GREB1: variants seen among roughly 807,000 people sequenced by gnomAD.
GREB1 encodes the protein growth regulating estrogen receptor binding 1, also known as protein GREB1.
In GREB1, 106 loss-of-function variants were observed where a neutral mutation model predicts 200.7. The ratio of observed to expected loss-of-function variants is 0.53; its 90% confidence interval spans 0.45 to 0.62. The LOEUF (loss-of-function observed/expected upper bound fraction) is 0.62, where lower values mean the gene tolerates loss of function less well. Ranked by LOEUF, GREB1 falls within the 20% of genes least tolerant of loss-of-function variation. The pLI is 0.00. For missense variants in GREB1, 2,243 were observed against 2,556.8 expected (o/e 0.88, Z 2.65); for synonymous variants, 1,132 against 1,092.4 (o/e 1.04, Z -0.72).
At chr2:11,501,301 C>T (rs1436102561) in intron 1 of GREB1, among the ~76,000 whole-genome samples, 3 of 152,176 alleles carry the variant, frequency 2.0e-5, no homozygotes, top group African/African-American at 7.2e-5. Context: ...AAGGGTGGGC[C>T]TGAGAGGGCA....
In GREB1 at chr2:11,513,862, A is replaced by G. The variant is rs1292871439; in HGVS notation, c.-159+31481A>G. ...CTGTAGTAATACTGGTATCACCAGC[A>G]TAACTTGTGGTTCTTCAGCCAGTAA... is the stretch of plus-strand genomic sequence containing the variant. On this transcript the variant is annotated intron_variant, in intron 1 of 2. Coordinates refer to the GREB1 transcript ENST00000628795. Among the ~76,000 whole-genome samples, 3 of 152,224 alleles carry G rather than the reference A, an allele frequency of 2.0e-5. No homozygotes were observed. In the East Asian group the frequency reaches 5.8e-4, roughly 29 times the overall value.
At chr2:11,562,442 C>T (rs1677162763) in intron 2 of GREB1, 21 bp from the exon 3 acceptor site, 4 of 1,611,262 alleles carry the variant, frequency 2.5e-6, no homozygotes, top group East Asian at 2.2e-5. Context: ...CCTTGCTCAT[C>T]ACTCTTCTTC....
chr2:11,528,682 A>G (rs959144219), intron 1 of GREB1, among the ~76,000 whole-genome samples: 1 of 152,220 alleles, frequency 6.6e-6, no homozygotes, highest in Non-Finnish European at 1.5e-5. Context: ...GTAAGCATTA[A>G]TTGGTACCAA....
chr2:11,505,981 A>T (rs141532716), intron 1 of GREB1, among the ~76,000 whole-genome samples: 105 of 152,358 alleles, frequency 6.9e-4, no homozygotes, highest in African/African-American at 2.4e-3. Context: ...GTTGTGATGC[A>T]GGGTGCAGAG....
chr2:11,627,392 A>G (rs1684555715), intron 25 of GREB1, among the ~76,000 whole-genome samples: 1 of 152,224 alleles, frequency 6.6e-6, no homozygotes, highest in African/African-American at 2.4e-5. Flanking sequence ...CCAATGCAAC[A>G]GATGCTCACC....
At position 11,638,829 on chromosome 2, in the gene GREB1, C is replaced by T; in HGVS notation, c.5686+20C>T. The T allele has an allele frequency of 1.9e-6, 3 of 1,612,154 alleles. No individual in the cohort carries two copies. The highest frequency in any genetic ancestry group is 1.7e-6 in the Non-Finnish European group (2 of 1,179,146). On this transcript the variant is annotated intron_variant, in intron 32 of 32. Coordinates refer to ENST00000381486, the MANE Select transcript of GREB1 (RefSeq NM_014668.4). ...TGAAAGGTAACTTTTGTACTCTTAA[C>T]TCTGCACCTTGTCTTCAATGGCTGT...
At position 11,619,053 on chromosome 2, in the gene GREB1, T is replaced by TG. The variant is rs147723258; in HGVS notation, c.4044+136dup. On this transcript the variant is annotated intron_variant, in intron 22 of 32. Transcript: ENST00000381486. ...CTTCCCGTGGTGGAATCTTCTCCAATGGCCTGGGGTGGACCGGAGGGAGGA... is the reference window on the plus strand; with the variant it reads ...CTTCCCGTGGTGGAATCTTCTCCAATGGGCCTGGGGTGGACCGGAGGGAGGA... 9.7e-5 allele frequency: 86 copies of TG among 888,896 alleles called. No homozygotes were observed. The African/African-American group carries it at 1.2e-3, about 13-fold the overall frequency. 55.1% of individuals were successfully genotyped at this position (888,896 alleles called of 1,614,324 possible).
At position 11,538,926 on chromosome 2, in the gene GREB1, CGTGT is replaced by C. The variant is rs1558512098; in HGVS notation, c.-162+4673_-162+4676del. Reference sequence around the variant, plus strand: ...TCCTTCCTTCCCCCTCCCCTCCCCTCGTGTCCCCTCCCCTCCCCTCGTGTCCCCT... The same window carrying C: ...TCCTTCCTTCCCCCTCCCCTCCCCTCCCCCTCCCCTCCCCTCGTGTCCCCT... On this transcript the variant is annotated intron_variant, in intron 1 of 32. Coordinates refer to ENST00000381486, the MANE Select transcript of GREB1 (RefSeq NM_014668.4). Among the ~76,000 whole-genome samples, 9 of 34,430 alleles carry C rather than the reference CGTGT, an allele frequency of 2.6e-4. 2 individuals are homozygous for C. The East Asian group carries it at 4.5e-3, about 17-fold the overall frequency. The allele number at this position is 34,430 out of a possible 152,430, so 22.6% of individuals were successfully genotyped here. A position where few individuals can be genotyped will look rare whatever the true frequency, so the allele number is the denominator to read the frequency against.
intron 3 of GREB1, chr2:11,563,019 C>G (rs1677240673): frequency 6.6e-6 from 1 of 152,528 alleles, no homozygotes; most frequent in African/African-American, 2.4e-5. Context: ...GTTGCCCAGG[C>G]TGGAGTGCAG....
At chr2:11,485,259 T>TTA (rs1256382035) in intron 1 of GREB1, among the ~76,000 whole-genome samples, 172 of 124,180 alleles carry the variant, frequency 1.4e-3, no homozygotes, top group African/African-American at 3.3e-3. Flanking sequence ...TTATTTTATT[T>TTA]TATATATATA....
At chr2:11,485,276 T>TATATA (rs1491126303) in intron 1 of GREB1, among the ~76,000 whole-genome samples, 1,045 of 4,410 alleles carry the variant, frequency 0.24, 18 homozygotes, top group South Asian at 0.5. Flanking sequence ...TATATATGTA[T>TATATA]TTTTTTTTTT....
intron 1 of GREB1, among the ~76,000 whole-genome samples, chr2:11,510,058 T>C (rs1426893104): frequency 2.6e-5 from 4 of 152,196 alleles, no homozygotes; most frequent in Non-Finnish European, 5.9e-5. Context: ...TTTATAACAG[T>C]TTTTTTCTTG....
intron 15 of GREB1, among the ~76,000 whole-genome samples, chr2:11,599,236 C>T (rs766235180): frequency 2.0e-5 from 3 of 151,540 alleles, no homozygotes; most frequent in Non-Finnish European, 2.9e-5. Flanking sequence ...GTGTGGGGTG[C>T]GGAGGGTCCT....
In GREB1 at chr2:11,598,119, T is replaced by C. The variant is rs1401789828; in HGVS notation, c.2152+141T>C. 4.1e-5 allele frequency: 31 copies of C among 749,090 alleles called. No individual in the cohort carries two copies. In the East Asian group the frequency reaches 7.2e-4, roughly 17 times the overall value. 46.4% of individuals were successfully genotyped at this position (749,090 alleles called of 1,614,324 possible). A position where few individuals can be genotyped will look rare whatever the true frequency, so the allele number is the denominator to read the frequency against. On this transcript the variant is annotated intron_variant, in intron 14 of 32. Transcript: ENST00000381486. ...CTTGTTTTATAGATTGTGAAACTGATGTTCAGAGACAGTGACTTGCCCAAG... is the reference window on the plus strand; with the variant it reads ...CTTGTTTTATAGATTGTGAAACTGACGTTCAGAGACAGTGACTTGCCCAAG...
intron 1 of GREB1, among the ~76,000 whole-genome samples, chr2:11,501,602 C>T (rs1217797173): frequency 6.6e-6 from 1 of 152,028 alleles, no homozygotes; most frequent in African/African-American, 2.4e-5. Context: ...CTTTGTTGGC[C>T]AGGCTGGTCT....
intron 1 of GREB1, among the ~76,000 whole-genome samples, chr2:11,500,559 A>G (rs1248511512): frequency 6.6e-6 from 1 of 151,562 alleles, no homozygotes; most frequent in Admixed American, 6.6e-5. Flanking sequence ...TCGCCTTGGC[A>G]TCCCAGCTGG....
rs115662104 is a variant in GREB1, at chr2:11,495,009, T to C, written c.-159+12628T>C. On this transcript the variant is annotated intron_variant, in intron 1 of 2. Transcript: ENST00000628795. ...ATCTCCTGCTCTGTTCCCATGGTGG[T>C]TGCTCTGTGTCATTCTGTGACGTTT... Among the ~76,000 whole-genome samples the C allele has an allele frequency of 4.5e-3, 691 of 152,290 alleles. 8 individuals are homozygous for C. The highest frequency in any genetic ancestry group is 0.016 in the African/African-American group (646 of 41,556).
chr2:11,593,106 A>G lies in GREB1; in HGVS notation c.1676A>G (p.Asp559Gly), dbSNP rs1248714761. The G allele has an allele frequency of 6.2e-7, 1 of 1,605,034 alleles. No individual in the cohort carries two copies. Among genetic ancestry groups the G allele is most frequent in the Middle Eastern group, 1.7e-4 (1 of 5,996 alleles). The change falls in exon 11 of 33, where the codon GAC (aspartate) becomes GGC (glycine). Residue 559 changes from aspartate to glycine, a missense_variant. By Grantham distance (94) the Asp-to-Gly change is moderately conservative. Around this residue, in one of 3 missense-constraint regions of GREB1, gnomAD observed 1,178 missense variants for 1,387.4 expected, o/e 0.85. Coordinates refer to ENST00000381486, the MANE Select transcript of GREB1 (RefSeq NM_014668.4). The stretch of plus-strand genomic sequence containing the variant: ...TGCGCCTGCCGCAGCGCGGCCATCG[A>G]CTCCTGCATCGCCGTCACCGGTGAG... ...IICACRSAAI[D>G]SCIAVTGKYQ... is the part of the protein sequence containing the mutation.
At chr2:11,545,225 C>T (rs1339257625) in intron 1 of GREB1, among the ~76,000 whole-genome samples, 1 of 152,136 alleles carries the variant, frequency 6.6e-6, no homozygotes, top group Non-Finnish European at 1.5e-5. Flanking sequence ...ACCTTCGCCT[C>T]CCAGGTTCAA....
Sources: allele counts gnomAD v4.1 joint callset (sites outside exome capture counted in the v4.1 genomes callset), GRCh38; gene constraint gnomAD v4.1.1; regional missense constraint gnomAD v4.1.1; transcripts MANE v1.5; gene names NCBI Gene and HGNC (gene_info 2026-07-23, HGNC 2026-07-21).